CADM2: variants seen among roughly 807,000 people sequenced by gnomAD.
CADM2 encodes immunoglobulin superfamily member 4D.
In CADM2, 12 loss-of-function variants were observed where a neutral mutation model predicts 49.8. The observed-to-expected ratio is 0.24, with a 90% CI of 0.15 to 0.39. CADM2 has a LOEUF of 0.39. Among genes scored for constraint, CADM2 ranks in the 10% least tolerant of loss-of-function variants. The pLI, the probability that CADM2 is intolerant of heterozygous loss-of-function variation, is 1.00. For missense variants in CADM2, 378 were observed against 492.3 expected, an observed-to-expected ratio of 0.77 and a Z score of 2.20; for synonymous variants, 214 against 175.4, an observed-to-expected ratio of 1.22 and a Z score of -1.74.
In CADM2 at chr3:85,369,371, G is replaced by A. The variant is rs142326807; in HGVS notation, c.62-357151G>A. ...AATGAGGCCCGGTGCAGTGGCTCAC[G>A]CCTGTAATCCCAAAAGTTCAGGAGA... On this transcript the variant is annotated intron_variant, in intron 1 of 9. Coordinates refer to ENST00000383699, the MANE Select transcript of CADM2 (RefSeq NM_001167675.2). Among the ~76,000 whole-genome samples the A allele has an allele frequency of 4.4e-4, 67 of 152,280 alleles. 1 individual carries two copies. The highest frequency in any genetic ancestry group is 1.4e-3 in the African/African-American group (60 of 41,548).
At chr3:85,635,455 T>C (rs985584367) in intron 1 of CADM2, among the ~76,000 whole-genome samples, 3 of 152,162 alleles carry the variant, frequency 2.0e-5, no homozygotes, top group East Asian at 1.9e-4. Flanking sequence ...TAAAGTCTTA[T>C]ACCTCCGATG....
At chr3:85,498,512 C>T (rs761137800) in intron 1 of CADM2, among the ~76,000 whole-genome samples, 2 of 152,114 alleles carry the variant, frequency 1.3e-5, no homozygotes, top group Non-Finnish European at 2.9e-5. Context: ...TTTGTGAACT[C>T]GAGATTGCAT....
intron 1 of CADM2, among the ~76,000 whole-genome samples, chr3:85,405,440 G>A (rs1386061498): frequency 6.6e-6 from 1 of 152,108 alleles, no homozygotes; most frequent in African/African-American, 2.4e-5. Context: ...CATTCATGGC[G>A]CCCGTCAGTG....
At chr3:85,773,998 T>A (rs1303262352) in intron 2 of CADM2, among the ~76,000 whole-genome samples, 1 of 151,996 alleles carries the variant, frequency 6.6e-6, no homozygotes, top group African/African-American at 2.4e-5. Flanking sequence ...TACTTTTTGC[T>A]TTGAAAGTTG....
At chr3:85,637,640 T>TAAAC (rs1393921606) in intron 1 of CADM2, among the ~76,000 whole-genome samples, 2 of 74,564 alleles carry the variant, frequency 2.7e-5, no homozygotes, top group African/African-American at 1.0e-4. Context: ...ATAAAATAAA[T>TAAAC]AAATAAATAA....
chr3:85,374,496 G>A (rs2033469805), intron 1 of CADM2, among the ~76,000 whole-genome samples: 1 of 152,118 alleles, frequency 6.6e-6, no homozygotes, highest in African/African-American at 2.4e-5. Context: ...TTGGTACTCA[G>A]TTCCAAAGTC....
chr3:85,770,187 G>A (rs1211897358), intron 2 of CADM2, among the ~76,000 whole-genome samples: 4 of 151,988 alleles, frequency 2.6e-5, no homozygotes, highest in South Asian at 2.1e-4. Flanking sequence ...TATAGTCATC[G>A]ATGTCATTTC....
intron 1 of CADM2, among the ~76,000 whole-genome samples, chr3:85,182,048 T>C (rs892768967): frequency 6.6e-6 from 1 of 151,458 alleles, no homozygotes; most frequent in Non-Finnish European, 1.5e-5. Context: ...CATTTATCAA[T>C]ATTCCTAGGA....
intron 1 of CADM2, among the ~76,000 whole-genome samples, chr3:85,360,054 C>A (rs2032242621): frequency 6.6e-6 from 1 of 151,730 alleles, no homozygotes; most frequent in Admixed American, 6.6e-5. Flanking sequence ...TGTGAATTTT[C>A]ACGTATACAA....
chr3:85,708,068 C>CTA (rs1382730235), intron 1 of CADM2, among the ~76,000 whole-genome samples: 1 of 152,028 alleles, frequency 6.6e-6, no homozygotes, highest in Admixed American at 6.6e-5. Flanking sequence ...ATTGACTAAG[C>CTA]GTAGGAACGG....
At chr3:85,543,412 C>G (rs1458117209) in intron 1 of CADM2, among the ~76,000 whole-genome samples, 1 of 53,598 alleles carries the variant, frequency 1.9e-5, no homozygotes, top group South Asian at 6.2e-4. Flanking sequence ...CGCCACCATG[C>G]CAAGCTAATG....
chr3:85,915,899 A>G (rs1035466178), intron 6 of CADM2, among the ~76,000 whole-genome samples: 1 of 152,150 alleles, frequency 6.6e-6, no homozygotes, highest in African/African-American at 2.4e-5. Context: ...GGAAACAGCT[A>G]TGACTACATC....
chr3:85,727,979 T>C (rs993016676), intron 2 of CADM2, among the ~76,000 whole-genome samples: 1 of 152,126 alleles, frequency 6.6e-6, no homozygotes, highest in South Asian at 2.1e-4. Flanking sequence ...AAATAAATTC[T>C]AAGATGATGC....
At chr3:85,798,483 A>G (rs1418494265) in intron 2 of CADM2, among the ~76,000 whole-genome samples, 2 of 152,200 alleles carry the variant, frequency 1.3e-5, no homozygotes, top group Non-Finnish European at 2.9e-5. Flanking sequence ...AGTTTTCTGC[A>G]TATGGCTAGC....
At chr3:85,954,979 A>C (rs1003928486) in intron 7 of CADM2, among the ~76,000 whole-genome samples, 14 of 151,294 alleles carry the variant, frequency 9.3e-5, no homozygotes, top group Non-Finnish European at 1.3e-4. Flanking sequence ...TTAAAACTTT[A>C]ATAATATTTA....
intron 1 of CADM2, among the ~76,000 whole-genome samples, chr3:85,518,490 C>G (rs917673416): frequency 2.0e-5 from 3 of 151,810 alleles, no homozygotes; most frequent in African/African-American, 7.3e-5. Flanking sequence ...CAGCTCTCCA[C>G]TGCCAGGTAA....
intron 1 of CADM2, among the ~76,000 whole-genome samples, chr3:85,586,344 CAAAACA>C (rs965451118): frequency 9.9e-5 from 15 of 151,958 alleles, no homozygotes; most frequent in African/African-American, 3.6e-4. Context: ...CTCCTTAAAA[CAAAACA>C]AAAACAAAAA....
chr3:86,044,880 T>G (rs765728754), intron 8 of CADM2, among the ~76,000 whole-genome samples: 1 of 152,026 alleles, frequency 6.6e-6, no homozygotes, highest in Non-Finnish European at 1.5e-5. Context: ...TATGCAGCCA[T>G]AAAAAATGAT....
At chr3:85,311,461 C>T (rs2044341907) in intron 1 of CADM2, among the ~76,000 whole-genome samples, 1 of 151,576 alleles carries the variant, frequency 6.6e-6, no homozygotes, top group Non-Finnish European at 1.5e-5. Flanking sequence ...CTGCAAGCTC[C>T]GCCTCCCGGG....
Sources: allele counts gnomAD v4.1 joint callset (sites outside exome capture counted in the v4.1 genomes callset), GRCh38; gene constraint gnomAD v4.1.1; transcripts MANE v1.5; gene names NCBI Gene and HGNC (gene_info 2026-07-23, HGNC 2026-07-21).